Variants in FMN2 observed in about 807,000 individuals in gnomAD.
The protein encoded by FMN2 is formin 2.
A neutral mutation model predicts 142.3 loss-of-function variants in FMN2; 51 were observed. The observed-to-expected ratio is 0.36, with a 90% confidence interval of 0.29 to 0.45. FMN2 has a LOEUF of 0.45. Ranked by LOEUF, FMN2 falls within the 20% of genes least tolerant of loss-of-function variation. The pLI is 1.00. For missense variants in FMN2, 1,936 were observed against 2,122.8 expected, an observed-to-expected ratio of 0.91 and a Z score of 1.73; for synonymous variants, 882 against 869.8, an observed-to-expected ratio of 1.01 and a Z score of -0.25.
intron 16 of FMN2, among the ~76,000 whole-genome samples, chr1:240,446,585 AAAC>A (rs1245249364): frequency 6.6e-6 from 1 of 152,214 alleles, no homozygotes; most frequent in African/African-American, 2.4e-5. Context: ...TGTGGGCCGA[AAAC>A]AAGATCCTAT....
intron 16 of FMN2, among the ~76,000 whole-genome samples, chr1:240,460,403 G>A (rs1458573096): frequency 6.6e-6 from 1 of 152,126 alleles, no homozygotes; most frequent in East Asian, 1.9e-4. Flanking sequence ...ACCAGCCTGG[G>A]AAACATGGTG....
At chr1:240,412,528 C>G (rs976816256) in intron 15 of FMN2, among the ~76,000 whole-genome samples, 2 of 152,020 alleles carry the variant, frequency 1.3e-5, no homozygotes, top group South Asian at 4.1e-4. Context: ...GAAAATCTGC[C>G]TTGTAGGGTA....
intron 6 of FMN2, among the ~76,000 whole-genome samples, chr1:240,257,300 T>C (rs890787139): frequency 2.0e-5 from 3 of 152,204 alleles, no homozygotes; most frequent in Non-Finnish European, 2.9e-5. Flanking sequence ...AGACTTGAGA[T>C]TGTGCTGATG....
chr1:240,366,811 A>G (rs1316747562), intron 14 of FMN2, among the ~76,000 whole-genome samples: 1 of 152,142 alleles, frequency 6.6e-6, no homozygotes, highest in Non-Finnish European at 1.5e-5. Context: ...TCGACCTCCC[A>G]AAGAGCTGGG....
At chr1:240,229,000 G>C (rs986190549) in intron 6 of FMN2, among the ~76,000 whole-genome samples, 2 of 151,846 alleles carry the variant, frequency 1.3e-5, no homozygotes, top group African/African-American at 4.8e-5. Context: ...AACCCCTTTG[G>C]AAAATCCTTT....
chr1:240,105,887 C>T (rs555305759), intron 1 of FMN2, among the ~76,000 whole-genome samples: 2 of 152,146 alleles, frequency 1.3e-5, no homozygotes, highest in East Asian at 1.9e-4. Context: ...GAAATATAAT[C>T]ATAGAACAGT....
intron 1 of FMN2, among the ~76,000 whole-genome samples, chr1:240,112,495 C>T (rs773932625): frequency 6.6e-6 from 1 of 152,046 alleles, no homozygotes; most frequent in African/African-American, 2.4e-5. Context: ...GAAGATGGCC[C>T]CTCCCACTGA....
rs141397645 is a variant in FMN2, at chr1:240,353,375, C to T, written c.4766-2441C>T. On this transcript the variant is annotated intron_variant, in intron 13 of 17. Coordinates refer to ENST00000319653, the MANE Select transcript of FMN2 (RefSeq NM_020066.5). ...AAATGTTAGGTAATTAGCCCCAAATCGTAAGGCACATTCAGTGGATGGGTG... is the reference window on the plus strand; with the variant it reads ...AAATGTTAGGTAATTAGCCCCAAATTGTAAGGCACATTCAGTGGATGGGTG... Among the ~76,000 whole-genome samples the T allele has an allele frequency of 1.3e-4, 20 of 152,266 alleles. No homozygotes were observed. In the East Asian group the frequency reaches 2.7e-3, roughly 21 times the overall value.
chr1:240,151,891 C>T (rs1663792216), intron 2 of FMN2, among the ~76,000 whole-genome samples: 1 of 152,052 alleles, frequency 6.6e-6, no homozygotes, highest in African/African-American at 2.4e-5. Context: ...CTTAACCTCC[C>T]TAGTAGCTGG....
chr1:240,271,732 G>A (rs1185676889), intron 7 of FMN2, among the ~76,000 whole-genome samples: 1 of 151,796 alleles, frequency 6.6e-6, no homozygotes, highest in African/African-American at 2.4e-5. Context: ...GAGATACTAG[G>A]CTTTCATAAA....
chr1:240,144,248 A>T lies in FMN2; in HGVS notation c.1782+20903A>T, dbSNP rs548914199. The T allele has an allele frequency of 1.9e-4, 303 of 1,590,554 alleles. 4 individuals carry two copies. In the South Asian group the frequency reaches 2.6e-3, roughly 14 times the overall value. The stretch of plus-strand genomic sequence containing the variant: ...AAAAGCTGCATTCACAAAGCCACTC[A>T]CAAAAGAGGAGGCCAGGTTCATGCG... On this transcript the variant is annotated intron_variant, in intron 2 of 17. Coordinates refer to ENST00000319653, the MANE Select transcript of FMN2 (RefSeq NM_020066.5).
chr1:240,175,962 C>G (rs1487583747), intron 2 of FMN2, among the ~76,000 whole-genome samples: 2 of 152,098 alleles, frequency 1.3e-5, no homozygotes, highest in Non-Finnish European at 2.9e-5. Context: ...AAATCCTTAT[C>G]AGGGTTGATT....
chr1:240,251,155 A>G (rs1406039194), intron 6 of FMN2, among the ~76,000 whole-genome samples: 1 of 151,802 alleles, frequency 6.6e-6, no homozygotes, highest in Non-Finnish European at 1.5e-5. Context: ...TCCTTGATAT[A>G]CACTGTTAGA....
chr1:240,279,514 A>G (rs1275152777), intron 7 of FMN2, among the ~76,000 whole-genome samples: 1 of 152,180 alleles, frequency 6.6e-6, no homozygotes, highest in East Asian at 1.9e-4. Context: ...ACAGCACAGT[A>G]AATAGAAGGA....
Position 240,123,332 on chromosome 1 carries a change from C to T in FMN2, c.1769C>T (p.Ala590Val). Residue 590 changes from alanine (A) to valine (V), a missense_variant, in exon 2 of 18, where the codon GCA becomes GTA. Around this residue, in one of 8 missense-constraint regions of FMN2, gnomAD observed 478 missense variants for 462.8 expected, o/e 1.03. Transcript: ENST00000319653. ...TGTAATCAGAATGCCCAGACGAATG[C>T]AGCTTCGTTTGATGTAAGTAGGAGA... Reference protein sequence around the residue: ...EPCNQNAQTNAASFDQDQLYT... With the variant: ...EPCNQNAQTNVASFDQDQLYT... The T allele has an allele frequency of 6.2e-7, 1 of 1,613,684 alleles. No homozygotes were observed.
intron 2 of FMN2, chr1:240,145,030 A>G: frequency 7.2e-7 from 1 of 1,379,894 alleles, no homozygotes; most frequent in Admixed American, 1.7e-5. Context: ...CATTCTCCCC[A>G]GGGGCCATGT....
chr1:240,389,913 C>G (rs1673549929), intron 14 of FMN2, among the ~76,000 whole-genome samples: 1 of 152,170 alleles, frequency 6.6e-6, no homozygotes, highest in Admixed American at 6.5e-5. Flanking sequence ...CGTTGTACCA[C>G]TGCACTGCAG....
intron 16 of FMN2, among the ~76,000 whole-genome samples, chr1:240,467,015 A>G (rs1676645025): frequency 6.6e-6 from 1 of 152,186 alleles, no homozygotes; most frequent in Admixed American, 6.5e-5. Context: ...AGATTGTGAA[A>G]AGGAAATAGA....
At chr1:240,350,182 A>G (rs114871231) in intron 13 of FMN2, among the ~76,000 whole-genome samples, 2,100 of 152,308 alleles carry the variant, frequency 0.014, 51 homozygotes, top group African/African-American at 0.048. Context: ...GTGACATTCT[A>G]TTTTTACATT....
Sources: gnomAD v4.1 joint callset for allele counts (sites outside exome capture counted in the v4.1 genomes callset) on GRCh38, gnomAD v4.1.1 for gene constraint, gnomAD v4.1.1 regional missense constraint, MANE v1.5 for transcripts, NCBI Gene and HGNC (gene_info 2026-07-23, HGNC 2026-07-21) for gene names.